Variants in ICOS observed in about 807,000 individuals in gnomAD.
The protein encoded by ICOS is inducible T cell costimulator.
Under a neutral mutation model 24.6 loss-of-function variants are expected in ICOS, and 15 were observed. That is an observed-to-expected ratio of 0.61 (90% CI 0.41 to 0.94). ICOS has a LOEUF of 0.94. ICOS is among the 40% of genes least tolerant of loss of function. The pLI is 0.00. For missense variants in ICOS, 200 were observed against 233.0 expected, an observed-to-expected ratio of 0.86 and a Z score of 0.92; for synonymous variants, 89 against 77.5, an observed-to-expected ratio of 1.15 and a Z score of -0.78.
At chr2:203,956,081 C>T in intron 2 of ICOS, 110 bp downstream of exon 2, 1 of 724,036 alleles carries the variant, frequency 1.4e-6, no homozygotes, top group Non-Finnish European at 2.3e-6. Flanking sequence ...TTGGAGTTCA[C>T]TTAGATGCAG....
chr2:203,954,811 A>G (rs1690048805), intron 1 of ICOS, among the ~76,000 whole-genome samples: 1 of 150,558 alleles, frequency 6.6e-6, no homozygotes, highest in African/African-American at 2.4e-5. Context: ...TTGTATATAT[A>G]CACACACATA....
chr2:203,951,466 G>T (rs1581604370), intron 1 of ICOS, among the ~76,000 whole-genome samples: 1 of 152,130 alleles, frequency 6.6e-6, no homozygotes, highest in Admixed American at 6.5e-5. Context: ...TTCCACAGGG[G>T]TACCCTAGCC....
intron 1 of ICOS, among the ~76,000 whole-genome samples, chr2:203,954,925 T>A (rs148748139): frequency 1.7e-3 from 259 of 150,744 alleles, no homozygotes; most frequent in African/African-American, 6.1e-3. Context: ...TATTCATTTT[T>A]AAACTACTTC....
chr2:203,947,692 G>A (rs745586934), intron 1 of ICOS, among the ~76,000 whole-genome samples: 5 of 152,136 alleles, frequency 3.3e-5, no homozygotes, highest in Admixed American at 2.0e-4. Flanking sequence ...TCTATGTGAT[G>A]AAGAAAATAT....
At chr2:203,947,716 C>T (rs922933015) in intron 1 of ICOS, among the ~76,000 whole-genome samples, 1 of 152,128 alleles carries the variant, frequency 6.6e-6, no homozygotes, top group African/African-American at 2.4e-5. Context: ...ACCTGTTCTC[C>T]AGACTGATTA....
At chr2:203,957,234 G>C (rs1259776154) in intron 3 of ICOS, among the ~76,000 whole-genome samples, 1 of 152,140 alleles carries the variant, frequency 6.6e-6, no homozygotes, top group African/African-American at 2.4e-5. Context: ...GCCTTCTAAG[G>C]TGTCAATTGT....
chr2:203,955,721 C>T lies in ICOS; in HGVS notation c.144C>T (p.Val48=). 6.2e-7 allele frequency: 1 copy of T among 1,613,264 alleles called. No individual in the cohort carries two copies. The highest frequency in any genetic ancestry group is 8.5e-7 in the Non-Finnish European group (1 of 1,179,374). Residue 48 remains valine (V), a synonymous_variant, in exon 2 of 5, where the codon GTC becomes GTT. Transcript: ENST00000316386. ...VQILCKYPDI[V]QQFKMQLLKG... is the part of the protein sequence containing the mutation. ...TTTTATGCAAATATCCTGACATTGT[C>T]CAGCAATTTAAAATGCAGTTGCTGA...
At chr2:203,938,816 A>G (rs1366253622) in intron 1 of ICOS, among the ~76,000 whole-genome samples, 3 of 152,218 alleles carry the variant, frequency 2.0e-5, no homozygotes, top group Non-Finnish European at 4.4e-5. Context: ...AATACAACCA[A>G]TGTTCACTCT....
chr2:203,941,792 G>A (rs982665238), intron 1 of ICOS, among the ~76,000 whole-genome samples: 20 of 152,164 alleles, frequency 1.3e-4, no homozygotes, highest in African/African-American at 4.6e-4. Flanking sequence ...ATTTTGGAAA[G>A]TGGAACTTAA....
chr2:203,950,673 T>A (rs1393471547), intron 1 of ICOS, among the ~76,000 whole-genome samples: 2 of 152,168 alleles, frequency 1.3e-5, no homozygotes, highest in African/African-American at 4.8e-5. Flanking sequence ...AAACACTGGA[T>A]ATGTGGAAAC....
chr2:203,938,896 A>C (rs1689713557), intron 1 of ICOS, among the ~76,000 whole-genome samples: 1 of 152,232 alleles, frequency 6.6e-6, no homozygotes, highest in Non-Finnish European at 1.5e-5. Flanking sequence ...CGAGTGGCTA[A>C]ATGGTAACAA....
chr2:203,941,092 C>T (rs749899131), intron 1 of ICOS, among the ~76,000 whole-genome samples: 8 of 152,002 alleles, frequency 5.3e-5, no homozygotes, highest in East Asian at 1.9e-4. Context: ...CACCGCGCCC[C>T]GCTGTTCTAT....
intron 1 of ICOS, among the ~76,000 whole-genome samples, chr2:203,946,775 TGCTAA>T (rs972147225): frequency 5.9e-5 from 9 of 152,248 alleles, no homozygotes; most frequent in African/African-American, 2.2e-4. Context: ...TCATGTGCTG[TGCTAA>T]GCTAACACTT....
intron 1 of ICOS, among the ~76,000 whole-genome samples, chr2:203,945,205 G>A (rs1689847073): frequency 6.6e-6 from 1 of 152,160 alleles, no homozygotes; most frequent in South Asian, 2.1e-4. Flanking sequence ...TATTGAGAAG[G>A]CCAGTCAAGA....
At chr2:203,951,894 T>A (rs903581277) in intron 1 of ICOS, among the ~76,000 whole-genome samples, 1 of 152,214 alleles carries the variant, frequency 6.6e-6, no homozygotes, top group East Asian at 1.9e-4. Context: ...ACCCTACGTT[T>A]TAATCTAATG....
At chr2:203,943,150 C>T (rs966793254) in intron 1 of ICOS, among the ~76,000 whole-genome samples, 5 of 152,134 alleles carry the variant, frequency 3.3e-5, no homozygotes, top group African/African-American at 1.2e-4. Context: ...AATTCTTTTT[C>T]AGGTAGATGA....
At chr2:203,956,568 C>A in intron 2 of ICOS, 91 bp from the exon 3 acceptor site, 1 of 892,826 alleles carries the variant, frequency 1.1e-6, no homozygotes, top group Non-Finnish European at 1.9e-6. Flanking sequence ...TAAAGAAAAG[C>A]TTCATTTGAT....
At chr2:203,950,847 G>A (rs1342949293) in intron 1 of ICOS, among the ~76,000 whole-genome samples, 2 of 152,122 alleles carry the variant, frequency 1.3e-5, no homozygotes, top group Non-Finnish European at 2.9e-5. Context: ...GGATCGTGAG[G>A]TAAAGAGATG....
At chr2:203,948,654 A>C (rs147947941) in intron 1 of ICOS, among the ~76,000 whole-genome samples, 1 of 152,246 alleles carries the variant, frequency 6.6e-6, no homozygotes, top group Non-Finnish European at 1.5e-5. Flanking sequence ...AGAAGAAAAC[A>C]ATCAGATAAA....
Sources: allele counts gnomAD v4.1 joint callset (sites outside exome capture counted in the v4.1 genomes callset), GRCh38; gene constraint gnomAD v4.1.1; transcripts MANE v1.5; gene names NCBI Gene and HGNC (gene_info 2026-07-23, HGNC 2026-07-21).